The following GPC6 variants were observed in gnomAD, a reference collection of about 807,000 sequenced individuals.
The protein encoded by GPC6 is glypican-6.
Under a neutral mutation model 55.2 loss-of-function variants are expected in GPC6, and 14 were observed. The observed-to-expected ratio is 0.25, with a 90% CI of 0.17 to 0.40. The LOEUF is 0.40. Among genes scored for constraint, GPC6 ranks in the 10% least tolerant of loss-of-function variants. GPC6 has a pLI of 1.00. For synonymous variants in GPC6, 278 were observed against 259.6 expected (o/e 1.07, Z -0.68); for missense variants, 641 against 708.5 (o/e 0.90, Z 1.08).
intron 4 of GPC6, among the ~76,000 whole-genome samples, chr13:94,072,931 G>A (rs1473995660): frequency 6.6e-6 from 1 of 152,190 alleles, no homozygotes; most frequent in Non-Finnish European, 1.5e-5. Context: ...AATAAGGTCA[G>A]GAGAGTGGAA....
intron 3 of GPC6, among the ~76,000 whole-genome samples, chr13:93,956,959 A>G (rs1279525907): frequency 6.6e-6 from 1 of 152,190 alleles, no homozygotes; most frequent in Admixed American, 6.5e-5. Context: ...ACTATTGTAC[A>G]AATTACTGTC....
intron 2 of GPC6, among the ~76,000 whole-genome samples, chr13:93,774,653 C>G (rs1032418468): frequency 2.6e-5 from 4 of 152,102 alleles, no homozygotes; most frequent in South Asian, 2.1e-4. Flanking sequence ...TAAGTTAACA[C>G]AAAGGCATAT....
intron 2 of GPC6, among the ~76,000 whole-genome samples, chr13:93,714,983 G>T (rs868600088): frequency 3.3e-5 from 5 of 151,714 alleles, no homozygotes; most frequent in Middle Eastern, 3.4e-3. Flanking sequence ...TGGAAATACA[G>T]TATAATTAGC....
At chr13:93,510,578 A>T (rs1880917739) in intron 1 of GPC6, among the ~76,000 whole-genome samples, 1 of 151,916 alleles carries the variant, frequency 6.6e-6, no homozygotes, top group Non-Finnish European at 1.5e-5. Context: ...AGACAGTTTG[A>T]TTCCTTATCT....
intron 2 of GPC6, among the ~76,000 whole-genome samples, chr13:93,800,710 G>T (rs1036142475): frequency 6.6e-6 from 1 of 152,116 alleles, no homozygotes; most frequent in Non-Finnish European, 1.5e-5. Context: ...TATTCCATCT[G>T]TAAGCAATGT....
chr13:93,727,421 C>G (rs1883682432), intron 2 of GPC6, among the ~76,000 whole-genome samples: 1 of 152,154 alleles, frequency 6.6e-6, no homozygotes, highest in African/African-American at 2.4e-5. Context: ...TTTGCCCTAT[C>G]TGGCCCACAT....
intron 4 of GPC6, among the ~76,000 whole-genome samples, chr13:94,137,112 T>C (rs1031250538): frequency 5.9e-5 from 9 of 152,278 alleles, no homozygotes; most frequent in African/African-American, 1.9e-4. Context: ...AGTTGATCAA[T>C]TGAAAGAGAA....
chr13:94,299,391 A>G (rs1278847504), intron 5 of GPC6, among the ~76,000 whole-genome samples: 1 of 152,236 alleles, frequency 6.6e-6, no homozygotes, highest in African/African-American at 2.4e-5. Context: ...CCAAACTTAT[A>G]GACTTGTGTT....
At position 94,059,242 on chromosome 13, in the gene GPC6, G is replaced by T. The variant is rs185640638; in HGVS notation, c.877+31348G>T. On this transcript the variant is annotated intron_variant, in intron 4 of 8. Transcript: ENST00000377047. ...TTTTTTTTTTTTTCAGTAATCAGAC[G>T]CTGTTATTTAGGCAAAAATAACAAT... Among the ~76,000 whole-genome samples, 12 of 150,136 alleles carry T rather than the reference G, an allele frequency of 8.0e-5. No homozygotes were observed. In the East Asian group the frequency reaches 2.4e-3, roughly 29 times the overall value.
chr13:94,266,280 T>A (rs1289599000), intron 4 of GPC6, among the ~76,000 whole-genome samples: 1 of 152,122 alleles, frequency 6.6e-6, no homozygotes, highest in African/African-American at 2.4e-5. Flanking sequence ...TCGATTCTCC[T>A]GCATCAGCCT....
At position 94,007,552 on chromosome 13, in the gene GPC6, T is replaced by C. The variant is rs192262025; in HGVS notation, c.712-20177T>C. Among the ~76,000 whole-genome samples the C allele has an allele frequency of 5.9e-5, 9 of 152,330 alleles. No homozygotes were observed. The East Asian group carries it at 1.2e-3, about 20-fold the overall frequency. On this transcript the variant is annotated intron_variant, in intron 3 of 8. Coordinates refer to ENST00000377047, the MANE Select transcript of GPC6 (RefSeq NM_005708.5). ...CTCGGGAATGCATTAAGTCTCACTG[T>C]CCCCTCTTCTTTCCTACTGCCCTAA...
chr13:94,256,670 T>C (rs2139044530), intron 4 of GPC6, among the ~76,000 whole-genome samples: 1 of 152,282 alleles, frequency 6.6e-6, no homozygotes, highest in Non-Finnish European at 1.5e-5. Context: ...TCTTAGATTC[T>C]ATTCTACAGG....
At chr13:93,562,024 T>G (rs1393311649) in intron 2 of GPC6, among the ~76,000 whole-genome samples, 1 of 152,170 alleles carries the variant, frequency 6.6e-6, no homozygotes, top group African/African-American at 2.4e-5. Flanking sequence ...TGTTCTTTGC[T>G]ACAGCGTGTT....
chr13:94,006,182 A>G (rs148845755), intron 3 of GPC6, among the ~76,000 whole-genome samples: 14 of 152,272 alleles, frequency 9.2e-5, no homozygotes, highest in African/African-American at 3.4e-4. Flanking sequence ...CAAAAACAAA[A>G]ATGTATGTTT....
At chr13:94,301,892 GT>G (rs1875671274) in intron 5 of GPC6, among the ~76,000 whole-genome samples, 1 of 152,028 alleles carries the variant, frequency 6.6e-6, no homozygotes, top group African/African-American at 2.4e-5. Flanking sequence ...TTTCTCAATT[GT>G]TTTTTTCCCT....
At chr13:93,221,987 T>G (rs1313626238), upstream of GPC6, among the ~76,000 whole-genome samples, 1 of 149,472 alleles carries the variant, frequency 6.7e-6, no homozygotes, top group Non-Finnish European at 1.5e-5. Context: ...AGCAAAAGGA[T>G]GATAAATTCT....
At chr13:94,311,038 T>C (rs964007080) in intron 6 of GPC6, among the ~76,000 whole-genome samples, 1 of 152,184 alleles carries the variant, frequency 6.6e-6, no homozygotes, top group Non-Finnish European at 1.5e-5. Flanking sequence ...TTGAATTTCC[T>C]GATATCTTTC....
chr13:94,180,002 G>C (rs1323203891), intron 4 of GPC6, among the ~76,000 whole-genome samples: 2 of 152,192 alleles, frequency 1.3e-5, no homozygotes, highest in African/African-American at 4.8e-5. Context: ...ACTCAATAGT[G>C]AGATGAGTGA....
intron 3 of GPC6, among the ~76,000 whole-genome samples, chr13:93,887,273 A>G (rs1875396936): frequency 6.6e-6 from 1 of 152,110 alleles, no homozygotes; most frequent in South Asian, 2.1e-4. Context: ...AACAATAATG[A>G]CTGAAATTTA....
Sources: allele counts gnomAD v4.1 joint callset (sites outside exome capture counted in the v4.1 genomes callset), GRCh38; gene constraint gnomAD v4.1.1; transcripts MANE v1.5; gene names NCBI Gene and HGNC (gene_info 2026-07-23, HGNC 2026-07-21).